TMEM240: variants seen among roughly 807,000 people sequenced by gnomAD.
The protein encoded by TMEM240 is transmembrane protein C1orf70.
TMEM240 carries 3 observed loss-of-function variants against 19.5 expected under a neutral mutation model. The observed-to-expected ratio is 0.15, with a 90% CI of 0.07 to 0.40. TMEM240 has a LOEUF of 0.40. Ranked by LOEUF, TMEM240 falls within the 10% of genes least tolerant of loss-of-function variation. The pLI is 1.00. For missense variants in TMEM240, 210 were observed against 253.5 expected (o/e 0.83, Z 1.17); for synonymous variants, 123 against 109.3 (o/e 1.13, Z -0.78).
rs1024932990 is a variant in TMEM240, at chr1:1,535,323, G to T, written c.*36C>A. 3 of 1,545,262 alleles carry T rather than the reference G, an allele frequency of 1.9e-6. No individual in the cohort carries two copies. In the African/African-American group the frequency reaches 4.1e-5, roughly 21 times the overall value. On this transcript the variant is annotated 3_prime_UTR_variant, in exon 4 of 4. Transcript: ENST00000378733. The surrounding 1 kb of genome is among the most constrained non-coding windows in gnomAD (Gnocchi z 8.2). Reference sequence around the variant, plus strand: ...TCCCTTTTACATCTGTACAGCAGCCGGTTGGCTCGGTGGCCCCGGTAAGTC... The same window carrying T: ...TCCCTTTTACATCTGTACAGCAGCCTGTTGGCTCGGTGGCCCCGGTAAGTC...
Position 1,535,887 on chromosome 1 carries a change from G to C in TMEM240, c.165-90C>G, listed in dbSNP as rs1032265411. On this transcript the variant is annotated intron_variant, in intron 2 of 3. Coordinates refer to ENST00000378733, the MANE Select transcript of TMEM240 (RefSeq NM_001114748.2). The surrounding 1 kb of genome is among the most constrained non-coding windows in gnomAD (Gnocchi z 8.2). Reference sequence around the variant, plus strand: ...CCTACCCCGTGGTGGGGGTGTGACCGCGTCAGGCCGCCCTGGGGGTTCTCT... The same window carrying C: ...CCTACCCCGTGGTGGGGGTGTGACCCCGTCAGGCCGCCCTGGGGGTTCTCT... 6 of 1,037,126 alleles carry C rather than the reference G, an allele frequency of 5.8e-6. No individual in the cohort carries two copies. The highest frequency in any genetic ancestry group is 5.6e-5 in the South Asian group (4 of 71,844). 64.2% of individuals were successfully genotyped at this position (1,037,126 alleles called of 1,614,324 possible). A position where few individuals can be genotyped will look rare whatever the true frequency, so the allele number is the denominator to read the frequency against.
At position 1,540,487 on chromosome 1, in the gene TMEM240, A is replaced by C. The variant is rs1570374737; in HGVS notation, c.-141T>G. 7 of 132,274 alleles carry C rather than the reference A, an allele frequency of 5.3e-5. No individual in the cohort carries two copies. The highest frequency in any genetic ancestry group is 8.9e-5 in the Admixed American group (1 of 11,280). The allele number at this position is 132,274 out of a possible 1,614,324, so 8.2% of individuals were successfully genotyped here. On this transcript the variant is annotated 5_prime_UTR_variant, in exon 1 of 4. Transcript: ENST00000378733. ...CGCCGCCGCTCGCTGCAACCCCGGC[A>C]CCGGCCGGGGGGAGGAGGCGCGGGG... is the stretch of plus-strand genomic sequence containing the variant.
At position 1,535,215 on chromosome 1, in the gene TMEM240, TG is replaced by T; in HGVS notation, c.*143del. 1.6e-6 allele frequency: 1 copy of T among 624,500 alleles called. No homozygotes were observed. Among genetic ancestry groups the T allele is most frequent in the Non-Finnish European group, 2.3e-6 (1 of 430,112 alleles). The allele number at this position is 624,500 out of a possible 1,614,324, so 38.7% of individuals were successfully genotyped here. On this transcript the variant is annotated 3_prime_UTR_variant, in exon 4 of 4. Coordinates refer to ENST00000378733, the MANE Select transcript of TMEM240 (RefSeq NM_001114748.2). This position sits in a 1 kb window ranked among gnomAD's most constrained non-coding sequence, Gnocchi z 8.2. Reference sequence around the variant, plus strand: ...AAAAAGAAGAGACAGCACCTTCCACTGGACTCTCCCGGCCGGCCACAGCCCC... The same window carrying T: ...AAAAAGAAGAGACAGCACCTTCCACTGACTCTCCCGGCCGGCCACAGCCCC...
intron 2 of TMEM240, 87 bp downstream of exon 2, chr1:1,539,597 C>G: frequency 8.3e-7 from 1 of 1,198,334 alleles, no homozygotes; most frequent in Non-Finnish European, 1.2e-6. Flanking sequence ...TCGCGGCCTG[C>G]GTGGGGCTGG....
At chr1:1,539,507 G>C in intron 2 of TMEM240, 177 bp downstream of exon 2, 1 of 608,964 alleles carries the variant, frequency 1.6e-6, no homozygotes, top group Non-Finnish European at 2.9e-6. Context: ...CTAAAGCCAT[G>C]CGCCCCCAGG....
Position 1,539,684 on chromosome 1 carries a change from C to T in TMEM240, c.164G>A (p.Arg55Gln). ...EDRVCHCNCG[R>Q]HHIHYVIPYD... ...GAGCCGGCGCCGGTTGTGGACTCAC[C>T]GGCCACAGTTGCAGTGGCAGACGCG... is the stretch of plus-strand genomic sequence containing the variant. The change falls in exon 2 of 4, where the codon CGG (arginine) becomes CAG (glutamine). Residue 55 changes from arginine (R) to glutamine (Q), a missense_variant and splice_region_variant. By Grantham distance (43) the Arg-to-Gln change is conservative (BLOSUM62 1). Coordinates refer to ENST00000378733, the MANE Select transcript of TMEM240 (RefSeq NM_001114748.2). The T allele has an allele frequency of 6.5e-7, 1 of 1,547,448 alleles. No individual in the cohort carries two copies.
At chr1:1,537,799 C>A (rs891683919) in intron 2 of TMEM240, among the ~76,000 whole-genome samples, 1 of 152,188 alleles carries the variant, frequency 6.6e-6, no homozygotes, top group Admixed American at 6.5e-5. Flanking sequence ...CGGTGTGTCA[C>A]GCGAGTGCAT....
chr1:1,536,317 AC>A lies in TMEM240; in HGVS notation c.165-521del, dbSNP rs1405457171. Among the ~76,000 whole-genome samples the A allele has an allele frequency of 2.6e-5, 4 of 152,016 alleles. No homozygotes were observed. The highest frequency in any genetic ancestry group is 4.4e-5 in the Non-Finnish European group (3 of 67,970). ...CTGTGCCCTTTCCTCCACGGCTGCC[AC>A]CGCGCCTGCCAGGCCCACTGCCCCT... On this transcript the variant is annotated intron_variant, in intron 2 of 3. Coordinates refer to ENST00000378733, the MANE Select transcript of TMEM240 (RefSeq NM_001114748.2). The surrounding 1 kb of genome is among the most constrained non-coding windows in gnomAD (Gnocchi z 5.4).
In TMEM240 at chr1:1,535,138, G is replaced by T. The variant is rs1309158343; in HGVS notation, c.*221C>A. On this transcript the variant is annotated 3_prime_UTR_variant, in exon 4 of 4. Coordinates refer to ENST00000378733, the MANE Select transcript of TMEM240 (RefSeq NM_001114748.2). The surrounding 1 kb of genome is among the most constrained non-coding windows in gnomAD (Gnocchi z 8.2). ...CCTTGTGTCCTGCCCCCCAACTGCA[G>T]GGTCTCCCCTAACCCAACCCCCACC... is the stretch of plus-strand genomic sequence containing the variant. The T allele has an allele frequency of 1.5e-5, 5 of 339,024 alleles. No homozygotes were observed. Among genetic ancestry groups the T allele is most frequent in the Non-Finnish European group, 2.7e-5 (5 of 183,968 alleles). 21.0% of individuals were successfully genotyped at this position (339,024 alleles called of 1,614,324 possible). A position where few individuals can be genotyped will look rare whatever the true frequency, so the allele number is the denominator to read the frequency against.
intron 1 of TMEM240, 50 bp downstream of exon 1, chr1:1,540,240 C>G (rs2100699691): frequency 8.8e-7 from 1 of 1,136,188 alleles, no homozygotes; most frequent in Non-Finnish European, 1.1e-6. Flanking sequence ...GGCCAGGCGG[C>G]GCGCGCGGGC....
chr1:1,539,529 C>G, intron 2 of TMEM240, 155 bp downstream of exon 2: 1 of 655,798 alleles, frequency 1.5e-6, no homozygotes, highest in Non-Finnish European at 2.6e-6. Flanking sequence ...GACCCCCGCC[C>G]ACCTTGAGAC....
Position 1,536,145 on chromosome 1 carries a change from G to A in TMEM240, c.165-348C>T, listed in dbSNP as rs1466466196. 6.6e-6 allele frequency among the ~76,000 whole-genome samples: 1 copy of A among 152,100 alleles called. No homozygotes were observed. Among genetic ancestry groups the A allele is most frequent in the Admixed American group, 6.5e-5 (1 of 15,284 alleles). On this transcript the variant is annotated intron_variant, in intron 2 of 3. Transcript: ENST00000378733. The surrounding 1 kb of genome is among the most constrained non-coding windows in gnomAD (Gnocchi z 5.4). ...CTGCAGGTGGAAGAGGCCTCCCCCG[G>A]AGGGGGCTCAGGACGGCGGTCCCCA...
At position 1,535,549 on chromosome 1, in the gene TMEM240, G is replaced by C; in HGVS notation, c.373+40C>G. The C allele has an allele frequency of 1.3e-6, 2 of 1,542,688 alleles. No homozygotes were observed. The highest frequency in any genetic ancestry group is 1.8e-6 in the Non-Finnish European group (2 of 1,142,574). On this transcript the variant is annotated intron_variant, in intron 3 of 3. Transcript: ENST00000378733. The surrounding 1 kb of genome is among the most constrained non-coding windows in gnomAD (Gnocchi z 8.2). ...GCGGTCAGGCGGCTGGGGCCGGCCA[G>C]GGCGGCAGCACTCCCGGGCGGCGGG...
At chr1:1,539,508 C>T in intron 2 of TMEM240, 176 bp downstream of exon 2, 1 of 608,852 alleles carries the variant, frequency 1.6e-6, no homozygotes, top group Non-Finnish European at 2.9e-6. Context: ...TAAAGCCATG[C>T]GCCCCCAGGA....
At position 1,535,469 on chromosome 1, in the gene TMEM240, G is replaced by A. The variant is rs1194675600; in HGVS notation, c.412C>T (p.Arg138Trp). The A allele has an allele frequency of 7.1e-6, 11 of 1,548,792 alleles. No individual in the cohort carries two copies. Among genetic ancestry groups the A allele is most frequent in the Non-Finnish European group, 9.6e-6 (11 of 1,146,186 alleles). The change falls in exon 4 of 4, where the codon CGG becomes TGG. Residue 138 changes from arginine to tryptophan, a missense_variant. Transcript: ENST00000378733. This position sits in a 1 kb window ranked among gnomAD's most constrained non-coding sequence, Gnocchi z 8.2. ...CTGTGCGGCCGCCGGCCCAGCTCCCGCAGGCTGCACAGCTTGGGCAGCCAG... is the reference window on the plus strand; with the variant it reads ...CTGTGCGGCCGCCGGCCCAGCTCCCACAGGCTGCACAGCTTGGGCAGCCAG... ...WTWLPKLCSLRELGRRPHRPF... is the reference protein window; with the variant it reads ...WTWLPKLCSLWELGRRPHRPF...
chr1:1,536,314 G>A lies in TMEM240; in HGVS notation c.165-517C>T, dbSNP rs1479132080. Reference sequence around the variant, plus strand: ...CTGCTGTGCCCTTTCCTCCACGGCTGCCACCGCGCCTGCCAGGCCCACTGC... The same window carrying A: ...CTGCTGTGCCCTTTCCTCCACGGCTACCACCGCGCCTGCCAGGCCCACTGC... On this transcript the variant is annotated intron_variant, in intron 2 of 3. Coordinates refer to ENST00000378733, the MANE Select transcript of TMEM240 (RefSeq NM_001114748.2). This position sits in a 1 kb window ranked among gnomAD's most constrained non-coding sequence, Gnocchi z 5.4. Among the ~76,000 whole-genome samples, 1 of 152,118 alleles carries A rather than the reference G, an allele frequency of 6.6e-6. No homozygotes were observed. The highest frequency in any genetic ancestry group is 1.5e-5 in the Non-Finnish European group (1 of 68,002).
At chr1:1,537,813 CGCTTGGCTT>C (rs1283755839) in intron 2 of TMEM240, among the ~76,000 whole-genome samples, 1 of 152,206 alleles carries the variant, frequency 6.6e-6, no homozygotes, top group African/African-American at 2.4e-5. Context: ...AGTGCATGTT[CGCTTGGCTT>C]TGCAAAACGC....
At position 1,536,645 on chromosome 1, in the gene TMEM240, GC is replaced by G. The variant is rs1642227291; in HGVS notation, c.165-849del. 6.6e-6 allele frequency among the ~76,000 whole-genome samples: 1 copy of G among 152,078 alleles called. No individual in the cohort carries two copies. Among genetic ancestry groups the G allele is most frequent in the Non-Finnish European group, 1.5e-5 (1 of 67,986 alleles). ...GCAACACAAGCTCCCCAAGGAGCTC[GC>G]CCCAGCAGCTCACCCTGTCCCAGGA... On this transcript the variant is annotated intron_variant, in intron 2 of 3. Coordinates refer to ENST00000378733, the MANE Select transcript of TMEM240 (RefSeq NM_001114748.2). The surrounding 1 kb of genome is among the most constrained non-coding windows in gnomAD (Gnocchi z 5.4).
Position 1,536,413 on chromosome 1 carries a change from A to T in TMEM240, c.165-616T>A, listed in dbSNP as rs1642222645. On this transcript the variant is annotated intron_variant, in intron 2 of 3. Transcript: ENST00000378733. The surrounding 1 kb of genome is among the most constrained non-coding windows in gnomAD (Gnocchi z 5.4). ...CCACGGGGGCTCTACCCAGCACCCC[A>T]TCCTCTCCCCTTCCTGGGGGACGCC... Among the ~76,000 whole-genome samples the T allele has an allele frequency of 6.6e-6, 1 of 152,060 alleles. No individual in the cohort carries two copies. The highest frequency in any genetic ancestry group is 1.5e-5 in the Non-Finnish European group (1 of 67,980).
Sources: allele counts gnomAD v4.1 joint callset (sites outside exome capture counted in the v4.1 genomes callset), GRCh38; gene constraint gnomAD v4.1.1; non-coding constraint Gnocchi (gnomAD v3.1); transcripts MANE v1.5; gene names NCBI Gene and HGNC (gene_info 2026-07-23, HGNC 2026-07-21).